MTOR: variants seen among roughly 807,000 people sequenced by gnomAD.
The protein encoded by MTOR is serine/threonine-protein kinase mTOR.
In MTOR, 70 loss-of-function variants were observed where a neutral mutation model predicts 319.8. That is an observed-to-expected ratio of 0.22 (90% confidence interval 0.18 to 0.27). The LOEUF is 0.27. MTOR is among the 10% of genes least tolerant of loss of function. The pLI, the probability that MTOR is intolerant of heterozygous loss-of-function variation, is 1.00. For missense variants in MTOR, 1,890 were observed against 3,274.4 expected (o/e 0.58, Z 10.32); for synonymous variants, 1,183 against 1,211.4 (o/e 0.98, Z 0.49).
chr1:11,193,933 A>T (rs1645667183), intron 28 of MTOR, among the ~76,000 whole-genome samples: 2 of 97,770 alleles, frequency 2.0e-5, no homozygotes, highest in African/African-American at 4.9e-5. Context: ...AAAAATAGGT[A>T]TTTTTCCTTT....
Position 11,133,209 on chromosome 1 carries a change from G to T in MTOR, c.5247-12C>A. On this transcript the variant is annotated splice_polypyrimidine_tract_variant and intron_variant, in intron 37 of 57. Transcript: ENST00000361445. The surrounding 1 kb of genome is among the most constrained non-coding windows in gnomAD (Gnocchi z 4.0). ...GTTTCAGGAAGCATCTGGAAGCAGAGAAACAAGCCCCCATGACATTCCCTC... is the reference window on the plus strand; with the variant it reads ...GTTTCAGGAAGCATCTGGAAGCAGATAAACAAGCCCCCATGACATTCCCTC... 2 of 1,611,362 alleles carry T rather than the reference G, an allele frequency of 1.2e-6. No homozygotes were observed. Among genetic ancestry groups the T allele is most frequent in the Non-Finnish European group, 1.7e-6 (2 of 1,177,506 alleles).
rs1040807787 is a variant in MTOR, at chr1:11,134,599, C to T, written c.5131-133G>A. On this transcript the variant is annotated intron_variant, in intron 36 of 57. Coordinates refer to ENST00000361445, the MANE Select transcript of MTOR (RefSeq NM_004958.4). ...ATACCCTAGAGCACAGAATGATGAC[C>T]CCATAGGACAGAGGACCAGGGCGTG... The T allele has an allele frequency of 6.2e-5, 42 of 677,814 alleles. No homozygotes were observed. In the East Asian group the frequency reaches 1.1e-3, roughly 17 times the overall value. The allele number at this position is 677,814 out of a possible 1,614,324, so 42.0% of individuals were successfully genotyped here.
intron 49 of MTOR, among the ~76,000 whole-genome samples, chr1:11,119,304 C>T (rs572861176): frequency 4.6e-4 from 70 of 151,520 alleles, no homozygotes; most frequent in African/African-American, 1.6e-3. Context: ...CGGTGGCTCC[C>T]GCCTGTAATC....
chr1:11,180,089 GA>G (rs1340620442), intron 28 of MTOR, among the ~76,000 whole-genome samples: 3 of 152,082 alleles, frequency 2.0e-5, no homozygotes, highest in Non-Finnish European at 4.4e-5. Flanking sequence ...ACTTTTTACA[GA>G]GACAAGGTCT....
chr1:11,250,909 C>A (rs374931074), intron 6 of MTOR, among the ~76,000 whole-genome samples: 28 of 152,180 alleles, frequency 1.8e-4, no homozygotes, highest in African/African-American at 6.5e-4. Flanking sequence ...ATCAGCAAAT[C>A]CCAAATTCAG....
intron 1 of MTOR, among the ~76,000 whole-genome samples, chr1:11,260,768 A>G (rs533035330): frequency 6.6e-6 from 1 of 151,864 alleles, no homozygotes; most frequent in Non-Finnish European, 1.5e-5. Context: ...TACACTTACA[A>G]CAATGTCAAT....
At chr1:11,242,102 G>A (rs545437782) in intron 9 of MTOR, among the ~76,000 whole-genome samples, 11 of 152,244 alleles carry the variant, frequency 7.2e-5, no homozygotes, top group Admixed American at 2.0e-4. Flanking sequence ...AGCGACTCAC[G>A]CCTGTAATCC....
intron 19 of MTOR, among the ~76,000 whole-genome samples, chr1:11,225,529 C>A (rs1046115303): frequency 1.3e-5 from 2 of 151,612 alleles, no homozygotes; most frequent in African/African-American, 4.9e-5. Flanking sequence ...TCAAGCGATT[C>A]TCCCACCTCA....
At chr1:11,259,154 A>G in intron 2 of MTOR, 94 bp downstream of exon 2, 1 of 1,466,060 alleles carries the variant, frequency 6.8e-7, no homozygotes, top group East Asian at 2.5e-5. Flanking sequence ...TGTTTTCCAA[A>G]TCCTCACTTA....
At position 11,146,770 on chromosome 1, in the gene MTOR, T is replaced by C; in HGVS notation, c.4592A>G (p.Glu1531Gly). 6.2e-7 allele frequency: 1 copy of C among 1,614,034 alleles called. No individual in the cohort carries two copies. Among genetic ancestry groups the C allele is most frequent in the Non-Finnish European group, 8.5e-7 (1 of 1,179,930 alleles). ...WGLGQWDSME[E>G]YTCMIPRDTH... is the part of the protein sequence containing the mutation. Reference sequence around the variant, plus strand: ...GTCCCGAGGGATCATACAGGTGTATTCTTCCATGCTGTCCCACTGACCTAT... The same window carrying C: ...GTCCCGAGGGATCATACAGGTGTATCCTTCCATGCTGTCCCACTGACCTAT... The change falls in exon 32 of 58, where the codon GAA becomes GGA. Residue 1531 changes from glutamate (E) to glycine (G), a missense_variant. By Grantham distance (98) the Glu-to-Gly change is moderately conservative. Transcript: ENST00000361445.
chr1:11,247,533 G>C, intron 8 of MTOR, 92 bp downstream of exon 8: 1 of 1,092,212 alleles, frequency 9.2e-7, no homozygotes, highest in East Asian at 2.4e-5. Context: ...TGTTGGCGTT[G>C]CTTCAAAGGA....
At chr1:11,139,702 T>C (rs772551819) in intron 34 of MTOR, 44 bp from the exon 35 acceptor site, 65 of 1,611,840 alleles carry the variant, frequency 4.0e-5, no homozygotes, top group Middle Eastern at 3.3e-4. Context: ...TTCTGATACA[T>C]TGTTTTTGTG....
At chr1:11,112,410 A>T (rs1388147801) in intron 54 of MTOR, among the ~76,000 whole-genome samples, 1 of 152,218 alleles carries the variant, frequency 6.6e-6, no homozygotes, top group Non-Finnish European at 1.5e-5. Context: ...CATGTGTGAA[A>T]CAGTAAATAA....
chr1:11,242,250 G>A (rs1648146953), intron 9 of MTOR, among the ~76,000 whole-genome samples: 1 of 152,110 alleles, frequency 6.6e-6, no homozygotes, highest in African/African-American at 2.4e-5. Context: ...TGTAGTCCCA[G>A]CTACTTGGGA....
intron 49 of MTOR, among the ~76,000 whole-genome samples, chr1:11,120,182 T>C (rs1466054093): frequency 1.3e-5 from 2 of 151,898 alleles, no homozygotes; most frequent in Non-Finnish European, 2.9e-5. Context: ...ATTCAAATGA[T>C]CCTTCCGAGT....
At chr1:11,261,919 G>C (rs1384875079) in intron 1 of MTOR, among the ~76,000 whole-genome samples, 1 of 152,016 alleles carries the variant, frequency 6.6e-6, no homozygotes, top group East Asian at 1.9e-4. Context: ...GATATCTGAA[G>C]TCAAATATCC....
At chr1:11,139,969 C>T (rs758510275) in intron 34 of MTOR, among the ~76,000 whole-genome samples, 4 of 152,112 alleles carry the variant, frequency 2.6e-5, no homozygotes, top group Non-Finnish European at 5.9e-5. Context: ...GGATTACAGG[C>T]GTGAGCCAGC....
At chr1:11,179,608 C>G (rs1264639383) in intron 28 of MTOR, among the ~76,000 whole-genome samples, 1 of 152,226 alleles carries the variant, frequency 6.6e-6, no homozygotes, top group Non-Finnish European at 1.5e-5. Context: ...CACTGAAGAG[C>G]CTTCCCTGGG....
chr1:11,260,880 C>T (rs551220559), intron 1 of MTOR, among the ~76,000 whole-genome samples: 7 of 151,282 alleles, frequency 4.6e-5, no homozygotes, highest in Non-Finnish European at 1.0e-4. Flanking sequence ...ACATCCACCT[C>T]CCGGGTTCAA....
Sources: gnomAD v4.1 joint callset for allele counts (sites outside exome capture counted in the v4.1 genomes callset) on GRCh38, gnomAD v4.1.1 for gene constraint, Gnocchi (gnomAD v3.1) non-coding constraint, MANE v1.5 for transcripts, NCBI Gene and HGNC (gene_info 2026-07-23, HGNC 2026-07-21) for gene names.